LAPTM4B: variants seen among roughly 807,000 people sequenced by gnomAD.
LAPTM4B encodes lysosomal-associated transmembrane protein 4B.
LAPTM4B carries 26 observed loss-of-function variants against 28.5 expected under a neutral mutation model. The observed-to-expected ratio is 0.91, with a 90% CI of 0.67 to 1.27. The LOEUF (loss-of-function observed/expected upper bound fraction) is 1.27, where lower values mean the gene tolerates loss of function less well. Ranked by LOEUF, LAPTM4B falls within the 50% of genes most tolerant of loss-of-function variation. The pLI, the probability that LAPTM4B is intolerant of heterozygous loss-of-function variation, is 0.00. For synonymous variants in LAPTM4B, 109 were observed against 106.4 expected (o/e 1.02, Z -0.15); for missense variants, 288 against 285.8 (o/e 1.01, Z -0.06).
intron 1 of LAPTM4B, among the ~76,000 whole-genome samples, chr8:97,779,246 T>G (rs1816270806): frequency 1.3e-5 from 2 of 152,010 alleles, no homozygotes; most frequent in Admixed American, 1.3e-4. Context: ...TTTGGGAGGC[T>G]GAGGCGGGCA....
At chr8:97,823,979 C>T (rs1009964844) in intron 5 of LAPTM4B, among the ~76,000 whole-genome samples, 1 of 152,032 alleles carries the variant, frequency 6.6e-6, no homozygotes, top group Admixed American at 6.6e-5. Flanking sequence ...GAATTACAGA[C>T]GTGAGCCACC....
chr8:97,788,334 A>G (rs544296604), intron 1 of LAPTM4B: 2 of 357,360 alleles, frequency 5.6e-6, no homozygotes, highest in Non-Finnish European at 1.1e-5. Context: ...CCAGGAAACA[A>G]TCCTGAAAGT....
chr8:97,779,649 G>A (rs1161605623), intron 1 of LAPTM4B, among the ~76,000 whole-genome samples: 1 of 151,798 alleles, frequency 6.6e-6, no homozygotes, highest in Non-Finnish European at 1.5e-5. Flanking sequence ...TTCGGTCGTG[G>A]TGGCATGCGC....
intron 2 of LAPTM4B, among the ~76,000 whole-genome samples, chr8:97,812,699 G>A (rs1816849784): frequency 6.6e-6 from 1 of 152,140 alleles, no homozygotes; most frequent in African/African-American, 2.4e-5. Context: ...CCTATGTGAG[G>A]AGCAGTGACA....
chr8:97,776,059 T>G lies in LAPTM4B; in HGVS notation c.50T>G (p.Leu17Trp), dbSNP rs1816205208. 2.5e-6 allele frequency: 4 copies of G among 1,587,918 alleles called. No individual in the cohort carries two copies. In the East Asian group the frequency reaches 9.7e-5, roughly 38 times the overall value. ...WTRFYSNSCC[L>W]CCHVRTGTIL... ...CGGTTCTACTCCAACAGCTGCTGCT[T>G]GTGCTGCCATGTCCGCACCGGCACC... Residue 17 changes from leucine (L) to tryptophan (W), a missense_variant, in exon 1 of 7, where the codon TTG becomes TGG. Transcript: ENST00000521545.
In LAPTM4B at chr8:97,777,596, A is replaced by G. The variant is rs567151141; in HGVS notation, c.99+1488A>G. ...AAGCAAAACATTTCACCCCAGGCAT[A>G]TGGTATTCACTGTGCTATTTATAGT... On this transcript the variant is annotated intron_variant, in intron 1 of 6. Transcript: ENST00000521545. 3.3e-5 allele frequency among the ~76,000 whole-genome samples: 5 copies of G among 152,318 alleles called. No homozygotes were observed. The East Asian group carries it at 9.6e-4, about 29-fold the overall frequency.
At chr8:97,802,764 T>C (rs1051135499) in intron 1 of LAPTM4B, among the ~76,000 whole-genome samples, 1 of 151,968 alleles carries the variant, frequency 6.6e-6, no homozygotes, top group African/African-American at 2.4e-5. Flanking sequence ...AGTTCAGGTG[T>C]TTGGTTAAAC....
chr8:97,846,404 C>T (rs1817435400), intron 6 of LAPTM4B, among the ~76,000 whole-genome samples: 1 of 151,510 alleles, frequency 6.6e-6, no homozygotes, highest in Admixed American at 6.6e-5. Flanking sequence ...CTCAGCTCAC[C>T]ACAGCCACCG....
chr8:97,811,914 T>C (rs1337455556), intron 2 of LAPTM4B, among the ~76,000 whole-genome samples: 2 of 152,088 alleles, frequency 1.3e-5, no homozygotes, highest in Non-Finnish European at 2.9e-5. Context: ...CAAGCAGTTC[T>C]CCCACCTCAG....
Position 97,814,479 on chromosome 8 carries a change from G to A in LAPTM4B, c.212-849G>A, listed in dbSNP as rs191781187. On this transcript the variant is annotated intron_variant, in intron 2 of 6. Transcript: ENST00000521545. ...GCGGAATTTGCATTGAGCCAATGTTGTCCCACTGCATTCCAGCCTGGGCGA... is the reference window on the plus strand; with the variant it reads ...GCGGAATTTGCATTGAGCCAATGTTATCCCACTGCATTCCAGCCTGGGCGA... 5.8e-4 allele frequency among the ~76,000 whole-genome samples: 88 copies of A among 151,946 alleles called. 1 individual carries two copies. Among genetic ancestry groups the A allele is most frequent in the African/African-American group, 2.0e-3 (83 of 41,434 alleles).
Position 97,851,497 on chromosome 8 carries a change from G to A in LAPTM4B, c.*23G>A. On this transcript the variant is annotated 3_prime_UTR_variant, in exon 7 of 7. Transcript: ENST00000521545. ...TAAGCCTTCAAGTGGGCGGAGCTGA[G>A]GGCAGCAGCTTGACTTTGCAGACAT... The A allele has an allele frequency of 6.3e-7, 1 of 1,585,236 alleles. No homozygotes were observed. The highest frequency in any genetic ancestry group is 2.2e-5 in the East Asian group (1 of 44,736).
intron 6 of LAPTM4B, among the ~76,000 whole-genome samples, chr8:97,842,817 T>G (rs1817369949): frequency 6.6e-6 from 1 of 151,410 alleles, no homozygotes; most frequent in Non-Finnish European, 1.5e-5. Flanking sequence ...GCGCCTGGCC[T>G]AATCTTTGGG....
chr8:97,815,474 G>T, intron 3 of LAPTM4B, 73 bp downstream of exon 3: 1 of 1,029,566 alleles, frequency 9.7e-7, no homozygotes. Context: ...GCTGTCTATA[G>T]TGAGAAGTGA....
At chr8:97,846,399 C>G (rs958179032) in intron 6 of LAPTM4B, among the ~76,000 whole-genome samples, 1 of 150,524 alleles carries the variant, frequency 6.6e-6, no homozygotes, top group Non-Finnish European at 1.5e-5. Flanking sequence ...GCGATCTCAG[C>G]TCACCACAGC....
intron 3 of LAPTM4B, 59 bp from the exon 4 acceptor site, chr8:97,815,999 A>G (rs997942020): frequency 6.9e-6 from 10 of 1,444,096 alleles, no homozygotes; most frequent in Non-Finnish European, 9.3e-6. Flanking sequence ...TTTGAATTTA[A>G]GAAAAATATT....
chr8:97,837,345 A>C (rs1817278179), intron 6 of LAPTM4B, among the ~76,000 whole-genome samples: 1 of 151,960 alleles, frequency 6.6e-6, no homozygotes, highest in Non-Finnish European at 1.5e-5. Flanking sequence ...GGCACATGCC[A>C]CTATGCCTGG....
intron 1 of LAPTM4B, among the ~76,000 whole-genome samples, chr8:97,804,287 G>GCCCCA (rs1816728246): frequency 6.6e-6 from 1 of 152,182 alleles, no homozygotes; most frequent in South Asian, 2.1e-4. Flanking sequence ...CCCCATCAAA[G>GCCCCA]TTAATATGTG....
intron 5 of LAPTM4B, among the ~76,000 whole-genome samples, chr8:97,821,256 A>G (rs1816997197): frequency 2.5e-5 from 3 of 119,008 alleles, no homozygotes; most frequent in African/African-American, 8.4e-5. Context: ...GAATGGCATG[A>G]ACCCAGGAGG....
chr8:97,815,740 T>C (rs1472207141), intron 3 of LAPTM4B, among the ~76,000 whole-genome samples: 1 of 152,116 alleles, frequency 6.6e-6, no homozygotes, highest in African/African-American at 2.4e-5. Context: ...CTGATTTTTG[T>C]ATTTTTTAGT....
Sources: allele counts gnomAD v4.1 joint callset (sites outside exome capture counted in the v4.1 genomes callset), GRCh38; gene constraint gnomAD v4.1.1; transcripts MANE v1.5; gene names NCBI Gene and HGNC (gene_info 2026-07-23, HGNC 2026-07-21).